Variants in SLC24A2 observed in about 807,000 individuals in gnomAD.
SLC24A2 encodes the protein solute carrier family 24 member 2, also known as sodium/potassium/calcium exchanger 2.
Under a neutral mutation model 62.0 loss-of-function variants are expected in SLC24A2, and 36 were observed. That is an observed-to-expected ratio of 0.58 (90% CI 0.44 to 0.77). The LOEUF (loss-of-function observed/expected upper bound fraction) is 0.77, where lower values mean the gene tolerates loss of function less well. Ranked by LOEUF, SLC24A2 falls within the 30% of genes least tolerant of loss-of-function variation. The pLI is 0.00. For missense variants in SLC24A2, 846 were observed against 817.9 expected, an observed-to-expected ratio of 1.03 and a Z score of -0.42; for synonymous variants, 358 against 294.0, an observed-to-expected ratio of 1.22 and a Z score of -2.23.
chr9:19,594,041 C>T (rs1587007824), intron 5 of SLC24A2, among the ~76,000 whole-genome samples: 2 of 151,642 alleles, frequency 1.3e-5, no homozygotes, highest in South Asian at 4.2e-4. Flanking sequence ...TAGTAGTTCA[C>T]CCTTCTTTCC....
chr9:19,580,346 G>A (rs1468572650), intron 5 of SLC24A2, among the ~76,000 whole-genome samples: 1 of 152,250 alleles, frequency 6.6e-6, no homozygotes, highest in East Asian at 1.9e-4. Context: ...CCCACCTTCA[G>A]AATGTGGCAC....
chr9:19,836,546 A>C, the SLC24A2 span, among the ~76,000 whole-genome samples: 1 of 152,254 alleles, frequency 6.6e-6, no homozygotes, highest in Non-Finnish European at 1.5e-5. Flanking sequence ...TGAATCTCTG[A>C]ATAGACCAAT....
chr9:19,782,827 T>G (rs1823054725), intron 2 of SLC24A2, among the ~76,000 whole-genome samples: 1 of 152,202 alleles, frequency 6.6e-6, no homozygotes, highest in East Asian at 1.9e-4. Context: ...CATTTTCCAA[T>G]TAGGAAACTG....
chr9:20,228,330 GCT>G, the SLC24A2 span, among the ~76,000 whole-genome samples: 2 of 151,978 alleles, frequency 1.3e-5, no homozygotes, highest in Admixed American at 6.6e-5. Flanking sequence ...CTCTGTTCCA[GCT>G]CTCACTCAAA....
chr9:19,598,577 G>C (rs1038094725), intron 4 of SLC24A2, among the ~76,000 whole-genome samples: 16 of 151,736 alleles, frequency 1.1e-4, no homozygotes, highest in African/African-American at 3.6e-4. Context: ...AAAAGATGCA[G>C]GTGCTTCAAA....
chr9:19,553,906 C>A (rs1242714614), intron 7 of SLC24A2, among the ~76,000 whole-genome samples: 1 of 152,194 alleles, frequency 6.6e-6, no homozygotes, highest in Admixed American at 6.5e-5. Flanking sequence ...CGTATCTATT[C>A]TGCCTATTAT....
chr9:19,547,559 A>G (rs372233655), intron 8 of SLC24A2, among the ~76,000 whole-genome samples: 64 of 147,690 alleles, frequency 4.3e-4, no homozygotes, highest in Admixed American at 1.4e-3. Flanking sequence ...CCAAGAGGAT[A>G]AACACTTTGC....
At position 19,508,315 on chromosome 9, in the gene SLC24A2, C is replaced by G. The variant is rs1832585122; in HGVS notation, c.*7838G>C. The G allele has an allele frequency of 6.6e-6, 1 of 152,178 alleles. No homozygotes were observed. The highest frequency in any genetic ancestry group is 2.1e-4 in the South Asian group (1 of 4,832). 9.4% of individuals were successfully genotyped at this position (152,178 alleles called of 1,614,324 possible). On this transcript the variant is annotated 3_prime_UTR_variant, in exon 11 of 11. Coordinates refer to ENST00000341998, the MANE Select transcript of SLC24A2 (RefSeq NM_020344.4). Reference sequence around the variant, plus strand: ...CTTCAGACCACAAAACAGCCTCTAACAGAGGAATATCACTGGCCCTTGGTT... The same window carrying G: ...CTTCAGACCACAAAACAGCCTCTAAGAGAGGAATATCACTGGCCCTTGGTT...
At chr9:19,902,000 T>C in the SLC24A2 span, among the ~76,000 whole-genome samples, 1 of 152,184 alleles carries the variant, frequency 6.6e-6, no homozygotes. Context: ...AGAAAAACCT[T>C]GTAGAAGTTA....
At chr9:19,696,032 G>A (rs111858514) in intron 2 of SLC24A2, among the ~76,000 whole-genome samples, 9 of 152,136 alleles carry the variant, frequency 5.9e-5, no homozygotes, top group African/African-American at 1.9e-4. Flanking sequence ...AGCAGGAGGT[G>A]GGCAAAGGGT....
chr9:19,805,631 A>G, the SLC24A2 span, among the ~76,000 whole-genome samples: 4 of 152,166 alleles, frequency 2.6e-5, no homozygotes, highest in Non-Finnish European at 5.9e-5. Context: ...AATGAATTCA[A>G]TCCCTTGCTG....
chr9:19,939,023 C>T, the SLC24A2 span, among the ~76,000 whole-genome samples: 1 of 152,272 alleles, frequency 6.6e-6, no homozygotes, highest in Admixed American at 6.5e-5. Flanking sequence ...GTTGTTTAGT[C>T]CCACTAACTT....
At chr9:20,058,223 T>A in the SLC24A2 span, among the ~76,000 whole-genome samples, 1 of 152,138 alleles carries the variant, frequency 6.6e-6, no homozygotes, top group Non-Finnish European at 1.5e-5. Context: ...TAAAACTTAA[T>A]TGAATAGAAG....
chr9:20,088,197 G>A, the SLC24A2 span, among the ~76,000 whole-genome samples: 51 of 152,376 alleles, frequency 3.3e-4, no homozygotes, highest in African/African-American at 1.1e-3. Context: ...AGCAGCCACA[G>A]GCGGTAGGCC....
intron 2 of SLC24A2, among the ~76,000 whole-genome samples, chr9:19,680,155 A>C (rs1338967483): frequency 6.6e-6 from 1 of 152,048 alleles, no homozygotes; most frequent in African/African-American, 2.4e-5. Flanking sequence ...ACAGAACTCT[A>C]TTAACACTGA....
At chr9:19,991,100 T>C in the SLC24A2 span, among the ~76,000 whole-genome samples, 1 of 151,568 alleles carries the variant, frequency 6.6e-6, no homozygotes, top group Non-Finnish European at 1.5e-5. Flanking sequence ...GAGTATTGAC[T>C]CACAGGATCA....
At chr9:19,631,729 C>T (rs1479857965) in intron 2 of SLC24A2, among the ~76,000 whole-genome samples, 1 of 152,090 alleles carries the variant, frequency 6.6e-6, no homozygotes, top group Non-Finnish European at 1.5e-5. Context: ...GTGACTGGGT[C>T]CAGTGTTGGG....
chr9:19,523,337 TTTC>T (rs1833286228), intron 9 of SLC24A2, among the ~76,000 whole-genome samples: 3 of 152,224 alleles, frequency 2.0e-5, no homozygotes, highest in Non-Finnish European at 4.4e-5. Context: ...AGTCTCAGTC[TTTC>T]CTATCTGTAA....
At chr9:19,525,865 A>G (rs1833427294) in intron 9 of SLC24A2, among the ~76,000 whole-genome samples, 1 of 150,066 alleles carries the variant, frequency 6.7e-6, no homozygotes, top group Admixed American at 6.7e-5. Context: ...TTTACATACC[A>G]TAAAATTTAG....
Sources: allele counts gnomAD v4.1 joint callset (sites outside exome capture counted in the v4.1 genomes callset), GRCh38; gene constraint gnomAD v4.1.1; transcripts MANE v1.5; gene names NCBI Gene and HGNC (gene_info 2026-07-23, HGNC 2026-07-21).